VPS13B: variants seen among roughly 807,000 people sequenced by gnomAD.
VPS13B encodes vacuolar protein sorting 13 homolog B, also known as intermembrane lipid transfer protein VPS13B.
A neutral mutation model predicts 426.4 loss-of-function variants in VPS13B; 285 were observed. The observed-to-expected ratio is 0.67, with a 90% CI of 0.61 to 0.74. VPS13B has a LOEUF of 0.74. Ranked by LOEUF, VPS13B falls within the 30% of genes least tolerant of loss-of-function variation. The pLI, the probability that VPS13B is intolerant of heterozygous loss-of-function variation, is 0.00. For synonymous variants in VPS13B, 1,676 were observed against 1,676.4 expected, an observed-to-expected ratio of 1.00 and a Z score of 0.01; for missense variants, 4,537 against 4,782.6, an observed-to-expected ratio of 0.95 and a Z score of 1.51.
At chr8:99,520,453 T>C (rs1436952951) in intron 29 of VPS13B, among the ~76,000 whole-genome samples, 1 of 151,276 alleles carries the variant, frequency 6.6e-6, no homozygotes, top group Admixed American at 6.6e-5. Context: ...TTATTTAGCA[T>C]GTAAATTTAA....
intron 33 of VPS13B, among the ~76,000 whole-genome samples, chr8:99,581,009 A>ACACT (rs899504882): frequency 2.6e-5 from 4 of 151,084 alleles, no homozygotes; most frequent in Non-Finnish European, 5.9e-5. Flanking sequence ...ACACACACAC[A>ACACT]CACACACACA....
At chr8:99,345,118 T>C (rs966193482) in intron 19 of VPS13B, among the ~76,000 whole-genome samples, 4 of 152,152 alleles carry the variant, frequency 2.6e-5, no homozygotes, top group African/African-American at 9.7e-5. Context: ...TTATCTTTTC[T>C]CCTTAACCTA....
intron 15 of VPS13B, among the ~76,000 whole-genome samples, chr8:99,161,847 C>G (rs1182900142): frequency 6.6e-6 from 1 of 151,698 alleles, no homozygotes; most frequent in Non-Finnish European, 1.5e-5. Context: ...ATTCTCCTGC[C>G]TCAGCCTCCC....
chr8:99,566,443 T>C (rs1205248745), intron 31 of VPS13B, among the ~76,000 whole-genome samples: 1 of 137,126 alleles, frequency 7.3e-6, no homozygotes, highest in Admixed American at 8.1e-5. Context: ...TGTTTTCTTC[T>C]TCTTTTTTTT....
chr8:99,841,524 T>C (rs1050051939), intron 54 of VPS13B, among the ~76,000 whole-genome samples: 3 of 152,178 alleles, frequency 2.0e-5, no homozygotes, highest in Non-Finnish European at 4.4e-5. Flanking sequence ...TATCTCAAGC[T>C]CTCTAAAGGT....
intron 61 of VPS13B, chr8:99,875,114 T>C (rs909536701): frequency 2.0e-5 from 8 of 396,238 alleles, no homozygotes; most frequent in Non-Finnish European, 3.7e-5. Context: ...CAATGACAGA[T>C]GTTTTAATGG....
chr8:99,369,753 T>C (rs1813080579), intron 19 of VPS13B, among the ~76,000 whole-genome samples: 1 of 152,214 alleles, frequency 6.6e-6, no homozygotes, highest in South Asian at 2.1e-4. Flanking sequence ...AGTCATCAAA[T>C]ATGAGGAGTT....
intron 35 of VPS13B, among the ~76,000 whole-genome samples, chr8:99,668,139 A>G (rs1830559276): frequency 6.6e-6 from 1 of 152,130 alleles, no homozygotes; most frequent in African/African-American, 2.4e-5. Context: ...TATATTAGTA[A>G]TTTCCACCTA....
intron 2 of VPS13B, among the ~76,000 whole-genome samples, chr8:99,014,879 A>G (rs1841533764): frequency 1.3e-5 from 2 of 152,122 alleles, no homozygotes; most frequent in African/African-American, 4.8e-5. Context: ...CAAAGATCAC[A>G]TATTCATTAA....
intron 17 of VPS13B, chr8:99,234,392 C>T: frequency 1.4e-6 from 1 of 710,070 alleles, no homozygotes; most frequent in Non-Finnish European, 2.7e-6. Flanking sequence ...CTGAATTTTC[C>T]TGTTCCTTAG....
At chr8:99,869,087 G>A (rs938508893) in intron 59 of VPS13B, among the ~76,000 whole-genome samples, 2 of 152,262 alleles carry the variant, frequency 1.3e-5, no homozygotes, top group Non-Finnish European at 2.9e-5. Context: ...GCCTGTGAAA[G>A]GAAGCACCTC....
At chr8:99,028,785 A>G (rs1248138666) in intron 2 of VPS13B, among the ~76,000 whole-genome samples, 1 of 92,906 alleles carries the variant, frequency 1.1e-5, no homozygotes, top group Non-Finnish European at 2.2e-5. Flanking sequence ...ACTTCCCAGT[A>G]GGGGCGGCCG....
intron 3 of VPS13B, among the ~76,000 whole-genome samples, chr8:99,041,234 A>G (rs1043326104): frequency 2.0e-5 from 3 of 152,210 alleles, no homozygotes; most frequent in African/African-American, 7.2e-5. Flanking sequence ...ATGATTTCCT[A>G]TTCACTCTGA....
intron 34 of VPS13B, among the ~76,000 whole-genome samples, chr8:99,649,579 C>G (rs1335062248): frequency 1.3e-5 from 2 of 151,718 alleles, no homozygotes; most frequent in African/African-American, 4.8e-5. Context: ...TGCTTAAAGT[C>G]TTAAATGCCT....
chr8:99,145,920 C>T (rs747757792), intron 13 of VPS13B, among the ~76,000 whole-genome samples: 20 of 152,298 alleles, frequency 1.3e-4, no homozygotes, highest in South Asian at 2.1e-4. Flanking sequence ...TACCATCCAA[C>T]GATGACTGTG....
At chr8:99,335,463 A>G (rs968882442) in intron 19 of VPS13B, among the ~76,000 whole-genome samples, 42 of 152,146 alleles carry the variant, frequency 2.8e-4, no homozygotes, top group Admixed American at 2.0e-3. Flanking sequence ...TGTCAATTTC[A>G]GATCTTTCCT....
At chr8:99,764,973 C>T (rs182825561) in intron 39 of VPS13B, among the ~76,000 whole-genome samples, 89 of 152,242 alleles carry the variant, frequency 5.8e-4, no homozygotes, top group African/African-American at 1.7e-3. Context: ...TGGCTAGGCG[C>T]GGTGGCTCAT....
At chr8:99,434,429 C>A (rs1208959350) in intron 22 of VPS13B, among the ~76,000 whole-genome samples, 2 of 152,146 alleles carry the variant, frequency 1.3e-5, no homozygotes, top group Non-Finnish European at 2.9e-5. Flanking sequence ...AGATTATTGA[C>A]CCACAGAAAC....
chr8:99,419,792 A>C (rs1033449641), intron 21 of VPS13B, among the ~76,000 whole-genome samples: 1 of 152,082 alleles, frequency 6.6e-6, no homozygotes, highest in Non-Finnish European at 1.5e-5. Flanking sequence ...GAAGGTACAC[A>C]TATGATTTGT....
Sources: gnomAD v4.1 joint callset for allele counts (sites outside exome capture counted in the v4.1 genomes callset) on GRCh38, gnomAD v4.1.1 for gene constraint, MANE v1.5 for transcripts, NCBI Gene and HGNC (gene_info 2026-07-23, HGNC 2026-07-21) for gene names.